MIR2052HG: variants seen among roughly 807,000 people sequenced by gnomAD.
MIR2052HG encodes the protein MIR2052 host gene.
chr8:74,626,166 G>C (rs1808433507), intron 2 of MIR2052HG, among the ~76,000 whole-genome samples: 1 of 152,172 alleles, frequency 6.6e-6, no homozygotes, highest in South Asian at 2.1e-4. Context: ...ACTCAGAGCA[G>C]AGCAGCAAGT....
At chr8:74,642,450 A>G (rs1808648967) in intron 2 of MIR2052HG, among the ~76,000 whole-genome samples, 1 of 152,148 alleles carries the variant, frequency 6.6e-6, no homozygotes, top group Non-Finnish European at 1.5e-5. Context: ...CTAAAGAAGA[A>G]ACAGTGAACC....
At chr8:74,657,614 C>T (rs987409086) in intron 2 of MIR2052HG, among the ~76,000 whole-genome samples, 4 of 152,214 alleles carry the variant, frequency 2.6e-5, no homozygotes, top group African/African-American at 9.7e-5. Flanking sequence ...TACAACTCCA[C>T]ATGGCTGGGG....
At chr8:74,745,460 G>T (rs1226258941) in intron 4 of MIR2052HG, among the ~76,000 whole-genome samples, 1 of 152,018 alleles carries the variant, frequency 6.6e-6, no homozygotes, top group East Asian at 1.9e-4. Context: ...CATTTGATTT[G>T]GAGAAACAGA....
intron 2 of MIR2052HG, among the ~76,000 whole-genome samples, chr8:74,694,042 G>C (rs1809270252): frequency 6.6e-6 from 1 of 152,114 alleles, no homozygotes; most frequent in South Asian, 2.1e-4. Context: ...CCTAGCTGGA[G>C]GCCAAACAAC....
At chr8:74,753,068 G>A (rs1265346481) in intron 5 of MIR2052HG, among the ~76,000 whole-genome samples, 4 of 152,172 alleles carry the variant, frequency 2.6e-5, no homozygotes, top group Admixed American at 1.3e-4. Context: ...TTTAAAACAC[G>A]TAAGTTGCTG....
chr8:74,608,297 A>G (rs546487811), intron 1 of MIR2052HG, among the ~76,000 whole-genome samples: 1 of 152,306 alleles, frequency 6.6e-6, no homozygotes, highest in East Asian at 1.9e-4. Context: ...AGGGCTAAAT[A>G]GGAAATAGGG....
At chr8:74,742,624 T>C (rs906053545) in intron 4 of MIR2052HG, among the ~76,000 whole-genome samples, 12 of 152,154 alleles carry the variant, frequency 7.9e-5, no homozygotes, top group Admixed American at 7.9e-4. Flanking sequence ...GGGAACTCCT[T>C]TTCTGATGGG....
At chr8:74,626,140 A>G (rs1808433079) in intron 2 of MIR2052HG, among the ~76,000 whole-genome samples, 1 of 152,304 alleles carries the variant, frequency 6.6e-6, no homozygotes, top group African/African-American at 2.4e-5. Context: ...CCGGGAGAAC[A>G]GCACCTCCTT....
chr8:74,719,530 T>C (rs1226014741), intron 4 of MIR2052HG, among the ~76,000 whole-genome samples: 1 of 152,166 alleles, frequency 6.6e-6, no homozygotes, highest in Non-Finnish European at 1.5e-5. Context: ...GACTTTTCCT[T>C]CTGACTGGTA....
At chr8:74,679,878 T>C (rs1204565005) in intron 2 of MIR2052HG, among the ~76,000 whole-genome samples, 1 of 152,118 alleles carries the variant, frequency 6.6e-6, no homozygotes, top group Non-Finnish European at 1.5e-5. Context: ...ATAGTAGAAG[T>C]GTTCCCTGTG....
At chr8:74,707,806 C>A (rs1809426408) in intron 4 of MIR2052HG, among the ~76,000 whole-genome samples, 1 of 152,066 alleles carries the variant, frequency 6.6e-6, no homozygotes. Flanking sequence ...ACAAGCAATT[C>A]TCTGATGTTT....
chr8:74,655,574 G>C (rs1808798067), intron 2 of MIR2052HG, among the ~76,000 whole-genome samples: 1 of 152,186 alleles, frequency 6.6e-6, no homozygotes. Context: ...CTGTGCATGT[G>C]CTGAAGAATT....
chr8:74,602,815 G>GCGTTTCTTTCTTTCTT (rs1554570004), intron 1 of MIR2052HG, among the ~76,000 whole-genome samples: 20 of 22,548 alleles, frequency 8.9e-4, no homozygotes, highest in Middle Eastern at 0.036. Flanking sequence ...ATGCCCGGCC[G>GCGTTTCTTTCTTTCTT]TGTTTCTTTC....
intron 2 of MIR2052HG, among the ~76,000 whole-genome samples, chr8:74,695,271 G>C (rs1809284298): frequency 6.6e-6 from 1 of 152,144 alleles, no homozygotes; most frequent in African/African-American, 2.4e-5. Context: ...GAGAGAATTT[G>C]ACACTACCAC....
intron 2 of MIR2052HG, among the ~76,000 whole-genome samples, chr8:74,614,508 T>G (rs1232509444): frequency 6.6e-6 from 1 of 152,126 alleles, no homozygotes; most frequent in African/African-American, 2.4e-5. Flanking sequence ...TGGGTTCTAG[T>G]TTTTCTTGAA....
intron 2 of MIR2052HG, among the ~76,000 whole-genome samples, chr8:74,679,108 T>C (rs1809089612): frequency 6.6e-6 from 1 of 152,214 alleles, no homozygotes; most frequent in African/African-American, 2.4e-5. Context: ...TTGTATTTTA[T>C]TTCAATAGTT....
intron 4 of MIR2052HG, among the ~76,000 whole-genome samples, chr8:74,706,275 G>C (rs560131419): frequency 2.6e-5 from 4 of 152,218 alleles, no homozygotes; most frequent in Admixed American, 1.3e-4. Flanking sequence ...GTACTTCTGA[G>C]AACATTAGCA....
intron 4 of MIR2052HG, among the ~76,000 whole-genome samples, chr8:74,742,235 C>T (rs939113922): frequency 2.6e-5 from 4 of 152,122 alleles, no homozygotes; most frequent in African/African-American, 4.8e-5. Flanking sequence ...GGTCATCTTA[C>T]GTGGTAACTA....
chr8:74,720,923 G>A (rs1488706938), intron 4 of MIR2052HG, among the ~76,000 whole-genome samples: 1 of 152,132 alleles, frequency 6.6e-6, no homozygotes, highest in Admixed American at 6.5e-5. Flanking sequence ...TCACCATCAT[G>A]AGAACAGCAT....
Sources: gnomAD v4.1 joint callset for allele counts (sites outside exome capture counted in the v4.1 genomes callset) on GRCh38, gnomAD v4.1.1 for gene constraint, MANE v1.5 for transcripts, NCBI Gene and HGNC (gene_info 2026-07-23, HGNC 2026-07-21) for gene names.